OTUD7A: variants seen among roughly 807,000 people sequenced by gnomAD.
OTUD7A encodes the protein OTU deubiquitinase 7A.
A neutral mutation model predicts 65.7 loss-of-function variants in OTUD7A; 12 were observed. The observed-to-expected ratio is 0.18, with a 90% CI of 0.12 to 0.30. The LOEUF is 0.30. OTUD7A is among the 10% of genes least tolerant of loss of function. OTUD7A has a pLI of 1.00. For synonymous variants in OTUD7A, 641 were observed against 586.3 expected (o/e 1.09, Z -1.35); for missense variants, 1,148 against 1,304.8 (o/e 0.88, Z 1.85).
chr15:31,668,498 T>C (rs1892379980), intron 1 of OTUD7A, among the ~76,000 whole-genome samples: 2 of 152,224 alleles, frequency 1.3e-5, no homozygotes. Flanking sequence ...TCCTGAAGTT[T>C]TGATAGTTTT....
chr15:31,484,304 G>C lies in OTUD7A; in HGVS notation c.1792C>G (p.Pro598Ala), dbSNP rs2041197610. The C allele has an allele frequency of 1.3e-6, 2 of 1,596,178 alleles. No homozygotes were observed. The highest frequency in any genetic ancestry group is 3.3e-4 in the Middle Eastern group (2 of 6,054). Residue 598 changes from proline (P) to alanine (A), a missense_variant, in exon 13 of 13, where the codon CCC (proline) becomes GCC (alanine). This residue lies in a region of OTUD7A where 842 missense variants were observed against 769.5 expected (regional missense o/e 1.09). Coordinates refer to ENST00000307050, the MANE Select transcript of OTUD7A (RefSeq NM_001382637.1). This position sits in a 1 kb window ranked among gnomAD's most constrained non-coding sequence, Gnocchi z 4.5. Reference protein sequence around the residue: ...TSPSEKTTPSPTDKAAGASPA... With the variant: ...TSPSEKTTPSATDKAAGASPA... ...GACGCGCCCGCTGCCTTGTCTGTGG[G>C]CGACGGCGTGGTCTTTTCCGACGGC...
intron 5 of OTUD7A, among the ~76,000 whole-genome samples, chr15:31,550,855 G>C (rs1888299654): frequency 2.0e-5 from 3 of 152,152 alleles, no homozygotes; most frequent in Admixed American, 1.3e-4. Flanking sequence ...TGTTCAGCAG[G>C]TGTCTGGGAG....
chr15:31,787,794 A>G (rs1054971118), intron 1 of OTUD7A: 4 of 152,236 alleles, frequency 2.6e-5, no homozygotes, highest in Non-Finnish European at 5.9e-5. Flanking sequence ...CAATGAATAG[A>G]ACACAGGAAG....
chr15:31,496,754 C>T (rs2041390430), intron 10 of OTUD7A, among the ~76,000 whole-genome samples: 1 of 152,134 alleles, frequency 6.6e-6, no homozygotes, highest in Non-Finnish European at 1.5e-5. Flanking sequence ...TAACCACGAG[C>T]CATACATCAA....
intron 1 of OTUD7A, among the ~76,000 whole-genome samples, chr15:31,671,524 AC>A (rs2141296249): frequency 6.6e-6 from 1 of 151,892 alleles, no homozygotes; most frequent in East Asian, 1.9e-4. Flanking sequence ...GTATACATGA[AC>A]CTCTTCTACT....
chr15:31,589,303 G>GTT (rs36091159), intron 3 of OTUD7A, among the ~76,000 whole-genome samples: 7 of 141,278 alleles, frequency 5.0e-5, no homozygotes, highest in African/African-American at 1.0e-4. Context: ...GTTTTTCTGG[G>GTT]TTTTTTTTTT....
intron 8 of OTUD7A, among the ~76,000 whole-genome samples, chr15:31,518,313 A>T (rs1481046690): frequency 1.3e-5 from 2 of 152,036 alleles, no homozygotes; most frequent in Non-Finnish European, 2.9e-5. Context: ...CTCTACTAAA[A>T]ATACAAAAAT....
chr15:31,535,689 T>G (rs1887775465), intron 5 of OTUD7A, among the ~76,000 whole-genome samples: 1 of 148,442 alleles, frequency 6.7e-6, no homozygotes. Flanking sequence ...TTTTTTTTTT[T>G]TTTTTGAGAC....
chr15:31,789,097 T>C (rs34869195), intron 1 of OTUD7A, among the ~76,000 whole-genome samples: 1 of 152,070 alleles, frequency 6.6e-6, no homozygotes, highest in Non-Finnish European at 1.5e-5. Context: ...ATAAATTTCA[T>C]TTTTTTAATA....
At chr15:31,722,468 G>A (rs1347841968) in intron 1 of OTUD7A, among the ~76,000 whole-genome samples, 3 of 152,214 alleles carry the variant, frequency 2.0e-5, no homozygotes, top group African/African-American at 4.8e-5. Context: ...GCTGGAAATC[G>A]CAGGTTTGCA....
intron 1 of OTUD7A, among the ~76,000 whole-genome samples, chr15:31,714,619 C>T (rs112885471): frequency 0.017 from 2,563 of 152,300 alleles, 78 homozygotes; most frequent in African/African-American, 0.059. Context: ...ATCTACGGGC[C>T]ATAAAACAGC....
chr15:31,656,283 T>G (rs1891989233), intron 2 of OTUD7A, among the ~76,000 whole-genome samples: 1 of 152,228 alleles, frequency 6.6e-6, no homozygotes, highest in Non-Finnish European at 1.5e-5. Context: ...GGGTGCTCAA[T>G]CTTTGCCGGT....
chr15:31,529,180 GGCT>G (rs746981796), intron 6 of OTUD7A, among the ~76,000 whole-genome samples: 3 of 152,360 alleles, frequency 2.0e-5, no homozygotes, highest in East Asian at 1.9e-4. Flanking sequence ...TTCACAATGA[GGCT>G]GCTGTTTGAC....
At chr15:31,784,987 CG>C (rs1335471877) in intron 1 of OTUD7A, among the ~76,000 whole-genome samples, 2 of 152,060 alleles carry the variant, frequency 1.3e-5, no homozygotes, top group African/African-American at 4.8e-5. Flanking sequence ...CTCTTAAACG[CG>C]GGCATACAGA....
In OTUD7A at chr15:31,634,586, G is replaced by C. The variant is rs563615068; in HGVS notation, c.151+20510C>G. Among the ~76,000 whole-genome samples the C allele has an allele frequency of 2.6e-5, 4 of 152,334 alleles. No homozygotes were observed. In the South Asian group the frequency reaches 6.2e-4, roughly 24 times the overall value. On this transcript the variant is annotated intron_variant, in intron 3 of 12. Coordinates refer to ENST00000307050, the MANE Select transcript of OTUD7A (RefSeq NM_001382637.1). ...GGAGCTCTGTGCATGCTCATGGCCG[G>C]AGTTCCCTCCTTATCCCTCAAGGCC...
intron 10 of OTUD7A, among the ~76,000 whole-genome samples, chr15:31,494,455 C>A (rs2041357293): frequency 6.6e-6 from 1 of 152,170 alleles, no homozygotes; most frequent in Non-Finnish European, 1.5e-5. Flanking sequence ...AAATAAATTT[C>A]TATTGTTTAT....
chr15:31,838,483 A>G (rs1294595365), intron 1 of OTUD7A, among the ~76,000 whole-genome samples: 2 of 152,084 alleles, frequency 1.3e-5, no homozygotes, highest in Non-Finnish European at 2.9e-5. Context: ...TCTCCAAGCC[A>G]GGCCTCTCTT....
At chr15:31,629,877 T>C (rs1257884286) in intron 3 of OTUD7A, among the ~76,000 whole-genome samples, 1 of 152,206 alleles carries the variant, frequency 6.6e-6, no homozygotes, top group Non-Finnish European at 1.5e-5. Flanking sequence ...AGTTTATTTG[T>C]GTAGAAGTGT....
intron 8 of OTUD7A, among the ~76,000 whole-genome samples, chr15:31,510,021 G>A (rs1383082481): frequency 1.4e-5 from 2 of 144,226 alleles, no homozygotes; most frequent in African/African-American, 2.6e-5. Context: ...CCGGTCTTGC[G>A]GCGCAGGCTG....
Sources: allele counts gnomAD v4.1 joint callset (sites outside exome capture counted in the v4.1 genomes callset), GRCh38; gene constraint gnomAD v4.1.1; regional missense constraint gnomAD v4.1.1; non-coding constraint Gnocchi (gnomAD v3.1); transcripts MANE v1.5; gene names NCBI Gene and HGNC (gene_info 2026-07-23, HGNC 2026-07-21).